SP100: variants seen among roughly 807,000 people sequenced by gnomAD.
SP100 encodes the protein nuclear autoantigen Sp-100.
A neutral mutation model predicts 130.0 loss-of-function variants in SP100; 84 were observed. The observed-to-expected ratio is 0.65, with a 90% CI of 0.54 to 0.77. The LOEUF is 0.77. SP100 is among the 30% of genes least tolerant of loss of function. The probability of loss-of-function intolerance (pLI) is 0.00; values close to 1 mark genes in which losing one functional copy is unlikely to be tolerated. For synonymous variants in SP100, 331 were observed against 351.7 expected, an observed-to-expected ratio of 0.94 and a Z score of 0.66; for missense variants, 978 against 1,052.2, an observed-to-expected ratio of 0.93 and a Z score of 0.97.
chr2:230,429,050 G>T (rs1406326730), intron 2 of SP100, among the ~76,000 whole-genome samples: 2 of 152,114 alleles, frequency 1.3e-5, no homozygotes, highest in East Asian at 3.8e-4. Context: ...GTAAGATTTT[G>T]TATATTTATA....
intron 17 of SP100, among the ~76,000 whole-genome samples, chr2:230,485,092 A>ATATTTTATTT (rs142188341): frequency 6.0e-5 from 9 of 151,010 alleles, no homozygotes; most frequent in African/African-American, 1.7e-4. Context: ...CCAGGTCCCA[A>ATATTTTATTT]TATTTTATTT....
At chr2:230,453,998 G>A (rs899459538) in intron 8 of SP100, among the ~76,000 whole-genome samples, 2 of 152,022 alleles carry the variant, frequency 1.3e-5, no homozygotes, top group Admixed American at 6.5e-5. Flanking sequence ...AGATTTTCCT[G>A]TTTCTTTGTT....
chr2:230,515,314 C>A lies in SP100; in HGVS notation c.2094+4148C>A, dbSNP rs754650493. The A allele has an allele frequency of 6.2e-6, 10 of 1,613,370 alleles. 1 individual carries two copies. The highest frequency in any genetic ancestry group is 3.3e-5 in the South Asian group (3 of 90,972). On this transcript the variant is annotated intron_variant, in intron 24 of 28. Transcript: ENST00000340126. ...CAAGGATCCCAATGCACCCAAGAGGCCTCCTTTGGCCTTTTTCCTGTTCTG... is the reference window on the plus strand; with the variant it reads ...CAAGGATCCCAATGCACCCAAGAGGACTCCTTTGGCCTTTTTCCTGTTCTG...
chr2:230,441,553 A>G lies in SP100; in HGVS notation c.108-1384A>G, dbSNP rs534761256. Among the ~76,000 whole-genome samples the G allele has an allele frequency of 2.6e-4, 39 of 152,360 alleles. No individual in the cohort carries two copies. The South Asian group carries it at 6.8e-3, about 27-fold the overall frequency. ...TATTCACACAATGGAATGCCACTCAACAACAAAAATGAACAAACTACTGTT... is the reference window on the plus strand; with the variant it reads ...TATTCACACAATGGAATGCCACTCAGCAACAAAAATGAACAAACTACTGTT... On this transcript the variant is annotated intron_variant, in intron 2 of 28. Transcript: ENST00000340126.
At chr2:230,470,783 G>A (rs1019344031) in intron 15 of SP100, among the ~76,000 whole-genome samples, 2 of 152,156 alleles carry the variant, frequency 1.3e-5, no homozygotes, top group Non-Finnish European at 2.9e-5. Context: ...CAGACAGGAG[G>A]ATAAGAGCTG....
At chr2:230,484,588 T>C (rs1357478267) in intron 17 of SP100, among the ~76,000 whole-genome samples, 1 of 152,158 alleles carries the variant, frequency 6.6e-6, no homozygotes, top group Non-Finnish European at 1.5e-5. Context: ...ATTTCCTGCA[T>C]GTGGGTGGGT....
chr2:230,514,430 CTTA>C (rs1690785666), intron 24 of SP100, among the ~76,000 whole-genome samples: 1 of 152,120 alleles, frequency 6.6e-6, no homozygotes, highest in Non-Finnish European at 1.5e-5. Context: ...TCTTTAGAGA[CTTA>C]TTATAGCCAG....
intron 17 of SP100, among the ~76,000 whole-genome samples, chr2:230,478,917 T>G (rs1247948864): frequency 6.6e-6 from 1 of 152,122 alleles, no homozygotes; most frequent in Non-Finnish European, 1.5e-5. Context: ...GCCTCCCGGA[T>G]TCAAGCAATT....
intron 24 of SP100, chr2:230,515,520 A>C: frequency 6.2e-7 from 1 of 1,608,208 alleles, no homozygotes; most frequent in South Asian, 1.1e-5. Flanking sequence ...GAGCTAAAGG[A>C]AAGCCTAATT....
intron 15 of SP100, chr2:230,470,321 T>C: frequency 1.7e-6 from 2 of 1,206,392 alleles, no homozygotes; most frequent in Non-Finnish European, 2.1e-6. Context: ...TGTAATTATA[T>C]TTTGTTGTTG....
At chr2:230,537,150 T>C (rs557147624) in intron 24 of SP100, among the ~76,000 whole-genome samples, 1 of 152,248 alleles carries the variant, frequency 6.6e-6, no homozygotes, top group Non-Finnish European at 1.5e-5. Flanking sequence ...TCCCAGCTAC[T>C]CCAGGGGCTG....
At chr2:230,466,111 G>A (rs113262860) in intron 11 of SP100, among the ~76,000 whole-genome samples, 190 bp from the exon 12 acceptor site, 36,341 of 143,704 alleles carry the variant, frequency 0.25, 5,040 homozygotes, top group Middle Eastern at 0.38. Flanking sequence ...CTGGAACCTG[G>A]GAGGCAGAAG....
intron 5 of SP100, among the ~76,000 whole-genome samples, chr2:230,448,296 A>T (rs1194615556): frequency 5.3e-5 from 8 of 152,204 alleles, no homozygotes; most frequent in African/African-American, 7.2e-5. Flanking sequence ...AAGGGGTAAA[A>T]GACAACAAAA....
At chr2:230,491,152 C>G (rs552355101) in intron 17 of SP100, among the ~76,000 whole-genome samples, 1 of 152,294 alleles carries the variant, frequency 6.6e-6, no homozygotes, top group East Asian at 1.9e-4. Context: ...TCCCATATTT[C>G]TTGGAGGCTT....
At chr2:230,427,505 GT>G (rs1229856306) in intron 2 of SP100, among the ~76,000 whole-genome samples, 3 of 151,736 alleles carry the variant, frequency 2.0e-5, no homozygotes, top group Non-Finnish European at 2.9e-5. Context: ...ATATTGTGGG[GT>G]TTTTTTTAAT....
Position 230,470,107 on chromosome 2 carries a change from G to T in SP100, c.1429+9G>T. 6.2e-7 allele frequency: 1 copy of T among 1,602,080 alleles called. No homozygotes were observed. The highest frequency in any genetic ancestry group is 1.1e-5 in the South Asian group (1 of 88,914). On this transcript the variant is annotated intron_variant, in intron 15 of 28. Coordinates refer to ENST00000340126, the MANE Select transcript of SP100 (RefSeq NM_001080391.2). The stretch of plus-strand genomic sequence containing the variant: ...CCTAAGAAGAGGGTCAGGTAAAGAA[G>T]ATTAGGATGCCAAGACTTGGCCTGC...
chr2:230,458,880 A>G (rs1384254232), intron 8 of SP100, among the ~76,000 whole-genome samples: 2 of 152,228 alleles, frequency 1.3e-5, no homozygotes, highest in Non-Finnish European at 2.9e-5. Context: ...TAACGTTAAT[A>G]ATTAAGAAAT....
At chr2:230,501,954 C>T (rs571765486) in intron 19 of SP100, among the ~76,000 whole-genome samples, 10 of 152,104 alleles carry the variant, frequency 6.6e-5, no homozygotes, top group East Asian at 5.8e-4. Flanking sequence ...CTGCAATCTC[C>T]GCCTCCCGGA....
In SP100 at chr2:230,465,292, G is replaced by C. The variant is rs560522623; in HGVS notation, c.1142-1009G>C. On this transcript the variant is annotated intron_variant, in intron 11 of 28. Coordinates refer to ENST00000340126, the MANE Select transcript of SP100 (RefSeq NM_001080391.2). ...GTGTGCACCTGTGATCCAGCTACTC[G>C]GGAGGCTGAGGTGAGAGAGTCACTG... Among the ~76,000 whole-genome samples, 26 of 151,992 alleles carry C rather than the reference G, an allele frequency of 1.7e-4. 1 individual carries two copies. Among genetic ancestry groups the C allele is most frequent in the Non-Finnish European group, 2.6e-4 (18 of 68,010 alleles).
Sources: allele counts gnomAD v4.1 joint callset (sites outside exome capture counted in the v4.1 genomes callset), GRCh38; gene constraint gnomAD v4.1.1; transcripts MANE v1.5; gene names NCBI Gene and HGNC (gene_info 2026-07-23, HGNC 2026-07-21).